PSD3: variants seen among roughly 807,000 people sequenced by gnomAD.
PSD3 encodes PH and SEC7 domain-containing protein 3.
Under a neutral mutation model 105.5 loss-of-function variants are expected in PSD3, and 49 were observed. The ratio of observed to expected loss-of-function variants is 0.46; its 90% CI spans 0.37 to 0.59. PSD3 has a LOEUF of 0.59. PSD3 is among the 20% of genes least tolerant of loss of function. The pLI is 0.00. For synonymous variants in PSD3, 557 were observed against 457.8 expected, an observed-to-expected ratio of 1.22 and a Z score of -2.77; for missense variants, 1,561 against 1,263.8, an observed-to-expected ratio of 1.24 and a Z score of -3.57.
At position 18,872,083 on chromosome 8, in the gene PSD3, G is replaced by C. The variant is rs201527530; in HGVS notation, c.781C>G (p.His261Asp). 2 of 1,614,156 alleles carry C rather than the reference G, an allele frequency of 1.2e-6. No individual in the cohort carries two copies. The highest frequency in any genetic ancestry group is 1.6e-4 in the Middle Eastern group (1 of 6,062). ...AAGAAACCAACACTGCCTGCAGAGT[G>C]GCAGGTCACTGCTGAGCTCCCGAGG... ...ASLGSSAVTC[H>D]SAGSVGFLKE... The change falls in exon 3 of 16, where the codon CAC (histidine) becomes GAC (aspartate). Residue 261 changes from histidine to aspartate, a missense_variant. Coordinates refer to ENST00000327040, the MANE Select transcript of PSD3 (RefSeq NM_015310.4).
intron 9 of PSD3, among the ~76,000 whole-genome samples, chr8:18,714,522 G>A (rs1036458050): frequency 1.1e-4 from 17 of 151,332 alleles, no homozygotes; most frequent in African/African-American, 3.9e-4. Flanking sequence ...AGAAACTTAT[G>A]AAAAAAACCC....
Position 18,532,577 on chromosome 8 carries a change from T to TAA in PSD3, c.*3165_*3166insTT, listed in dbSNP as rs1799677592. 6.6e-6 allele frequency: 1 copy of TAA among 152,154 alleles called. No individual in the cohort carries two copies. The allele number at this position is 152,154 out of a possible 1,614,324, so 9.4% of individuals were successfully genotyped here. On this transcript the variant is annotated 3_prime_UTR_variant, in exon 16 of 16. Transcript: ENST00000327040. The stretch of plus-strand genomic sequence containing the variant: ...ATCAGAGGACTCTCTCCCATCATGG[T>TAA]TTTGCTGAGATTAATTAAAATTCAC...
intron 2 of PSD3, among the ~76,000 whole-genome samples, chr8:18,918,223 CACA>C (rs1362826173): frequency 2.0e-5 from 3 of 152,204 alleles, no homozygotes; most frequent in African/African-American, 4.8e-5. Flanking sequence ...CCATGGTCTG[CACA>C]ACACCACAGC....
chr8:18,885,099 CTT>C (rs1818369855), intron 2 of PSD3, among the ~76,000 whole-genome samples: 1 of 152,140 alleles, frequency 6.6e-6, no homozygotes, highest in African/African-American at 2.4e-5. Context: ...GTCTGCCTCT[CTT>C]TGTCATAACT....
chr8:19,023,899 T>C (rs995967846), intron 1 of PSD3, among the ~76,000 whole-genome samples: 6 of 152,236 alleles, frequency 3.9e-5, no homozygotes, highest in African/African-American at 1.4e-4. Flanking sequence ...TTTAATTTTC[T>C]GTGAGTGTAA....
chr8:18,718,565 A>G (rs1364657773), intron 9 of PSD3, among the ~76,000 whole-genome samples: 3 of 152,248 alleles, frequency 2.0e-5, no homozygotes, highest in Non-Finnish European at 2.9e-5. Flanking sequence ...TGCTAAAACA[A>G]ATGTTTAATA....
chr8:18,746,609 T>C (rs1183177330), intron 9 of PSD3, among the ~76,000 whole-genome samples: 1 of 152,242 alleles, frequency 6.6e-6, no homozygotes, highest in Non-Finnish European at 1.5e-5. Context: ...CTCATACCCC[T>C]GTAAAAGACA....
chr8:18,767,933 C>T (rs540006910), intron 8 of PSD3, among the ~76,000 whole-genome samples: 21 of 151,662 alleles, frequency 1.4e-4, no homozygotes, highest in African/African-American at 4.6e-4. Flanking sequence ...TGAATACCTA[C>T]GGTATTCAAA....
intron 1 of PSD3, among the ~76,000 whole-genome samples, chr8:19,007,179 G>A (rs897005777): frequency 1.3e-5 from 2 of 151,860 alleles, no homozygotes; most frequent in South Asian, 2.1e-4. Flanking sequence ...GCTTGAGCCC[G>A]AGGCAGAGGT....
chr8:19,077,715 G>A (rs1157960303), intron 1 of PSD3, among the ~76,000 whole-genome samples: 1 of 152,126 alleles, frequency 6.6e-6, no homozygotes, highest in African/African-American at 2.4e-5. Flanking sequence ...CTTGAACTTT[G>A]TAATATATTA....
chr8:18,698,581 C>T lies in PSD3; in HGVS notation c.2173-42896G>A, dbSNP rs555084883. ...AAGACAAGCAAAAAGATTCTCCCCT[C>T]GAGCCTCCAGAAGGAATACAGCCCT... On this transcript the variant is annotated intron_variant, in intron 9 of 15. Coordinates refer to ENST00000327040, the MANE Select transcript of PSD3 (RefSeq NM_015310.4). Among the ~76,000 whole-genome samples the T allele has an allele frequency of 6.6e-5, 10 of 152,232 alleles. 1 individual carries two copies. Among genetic ancestry groups the T allele is most frequent in the East Asian group, 3.9e-4 (2 of 5,178 alleles).
Position 18,897,103 on chromosome 8 carries a change from G to A in PSD3, c.131-24370C>T, listed in dbSNP as rs138444814. Among the ~76,000 whole-genome samples, 573 of 151,448 alleles carry A rather than the reference G, an allele frequency of 3.8e-3. 1 individual carries two copies. The highest frequency in any genetic ancestry group is 6.8e-3 in the Non-Finnish European group (464 of 67,992). On this transcript the variant is annotated intron_variant, in intron 2 of 15. Transcript: ENST00000327040. The stretch of plus-strand genomic sequence containing the variant: ...ATTACAGGCGTGAGCCACCGTGCCC[G>A]GCCTATGTTTTGTCTTTTTGATAAC...
rs192126355 is a variant in PSD3 at position 19,078,593 on chromosome 8, C to G, written c.324+5613G>C. 3.7e-3 allele frequency among the ~76,000 whole-genome samples: 562 copies of G among 152,072 alleles called. 3 individuals are homozygous for G. The highest frequency in any genetic ancestry group is 0.013 in the African/African-American group (545 of 41,486). On this transcript the variant is annotated intron_variant, in intron 1 of 1. Transcript: ENST00000521475. Reference sequence around the variant, plus strand: ...TCAACCTTTATGAGTTGTCCCTTTCCCAGACCTCCATGGTGTAACCATCTT... The same window carrying G: ...TCAACCTTTATGAGTTGTCCCTTTCGCAGACCTCCATGGTGTAACCATCTT...
Position 18,684,025 on chromosome 8 carries a change from T to A in PSD3, c.2173-28340A>T, listed in dbSNP as rs1001420613. On this transcript the variant is annotated intron_variant, in intron 9 of 15. Transcript: ENST00000327040. ...TCACGCTGGAGGAACTCTGCGGGGTTGTGCCTGAGCAGCTCCTGAGCGCCG... is the reference window on the plus strand; with the variant it reads ...TCACGCTGGAGGAACTCTGCGGGGTAGTGCCTGAGCAGCTCCTGAGCGCCG... The A allele has an allele frequency of 2.8e-5, 19 of 675,210 alleles. No individual in the cohort carries two copies. In the African/African-American group the frequency reaches 3.2e-4, roughly 11 times the overall value. 41.8% of individuals were successfully genotyped at this position (675,210 alleles called of 1,614,324 possible). A position where few individuals can be genotyped will look rare whatever the true frequency, so the allele number is the denominator to read the frequency against.
intron 9 of PSD3, among the ~76,000 whole-genome samples, chr8:18,665,367 G>A (rs923555815): frequency 6.6e-6 from 1 of 152,240 alleles, no homozygotes; most frequent in Non-Finnish European, 1.5e-5. Flanking sequence ...AGTCACTGCA[G>A]ATGTGGTGGA....
chr8:18,564,929 A>G (rs1485324058), intron 14 of PSD3, among the ~76,000 whole-genome samples: 2 of 152,166 alleles, frequency 1.3e-5, no homozygotes, highest in Admixed American at 6.5e-5. Context: ...TTTAGTACCC[A>G]TGGATTCAAA....
intron 1 of PSD3, among the ~76,000 whole-genome samples, chr8:19,060,766 T>C (rs1169718466): frequency 6.6e-6 from 1 of 152,222 alleles, no homozygotes; most frequent in Non-Finnish European, 1.5e-5. Flanking sequence ...TTCTTCTTTA[T>C]GATTCCCTCA....
chr8:18,617,791 G>C (rs1805804156), intron 11 of PSD3, among the ~76,000 whole-genome samples: 1 of 152,100 alleles, frequency 6.6e-6, no homozygotes, highest in Non-Finnish European at 1.5e-5. Flanking sequence ...CAGACTCTTA[G>C]TAGCACTAAG....
intron 2 of PSD3, among the ~76,000 whole-genome samples, chr8:18,888,378 A>C (rs574388793): frequency 1.1e-4 from 16 of 152,214 alleles, no homozygotes; most frequent in African/African-American, 3.6e-4. Context: ...CAGTATAACC[A>C]CGTGGTTAAA....
Sources: allele counts gnomAD v4.1 joint callset (sites outside exome capture counted in the v4.1 genomes callset), GRCh38; gene constraint gnomAD v4.1.1; transcripts MANE v1.5; gene names NCBI Gene and HGNC (gene_info 2026-07-23, HGNC 2026-07-21).